Variants in NUP210 observed in about 807,000 individuals in gnomAD.
The protein encoded by NUP210 is nucleoporin 210.
In NUP210, 151 loss-of-function variants were observed where a neutral mutation model predicts 196.0. That is an observed-to-expected ratio of 0.77 (90% CI 0.67 to 0.88). The LOEUF (loss-of-function observed/expected upper bound fraction) is 0.88. Among genes scored for constraint, NUP210 ranks in the 40% least tolerant of loss-of-function variants. The probability of loss-of-function intolerance (pLI) is 0.00; values close to 1 mark genes in which losing one functional copy is unlikely to be tolerated. For synonymous variants in NUP210, 1,070 were observed against 1,052.7 expected (o/e 1.02, Z -0.32); for missense variants, 2,314 against 2,493.7 (o/e 0.93, Z 1.53).
intron 25 of NUP210, among the ~76,000 whole-genome samples, chr3:13,338,981 A>C (rs983055744): frequency 6.6e-6 from 1 of 151,684 alleles, no homozygotes; most frequent in Non-Finnish European, 1.5e-5. Flanking sequence ...CTGAGGCTGC[A>C]CTCCTTTTTA....
At position 13,358,415 on chromosome 3, in the gene NUP210, A is replaced by C; in HGVS notation, c.2155-20T>G. The C allele has an allele frequency of 1.9e-6, 3 of 1,592,352 alleles. No individual in the cohort carries two copies. Among genetic ancestry groups the C allele is most frequent in the Non-Finnish European group, 2.6e-6 (3 of 1,166,054 alleles). Reference sequence around the variant, plus strand: ...GATGACCTGGTAGGGCACAGTGAACAGTCAGACCCCCAAGCTTGAGTTCTC... The same window carrying C: ...GATGACCTGGTAGGGCACAGTGAACCGTCAGACCCCCAAGCTTGAGTTCTC... On this transcript the variant is annotated intron_variant, in intron 15 of 39. Coordinates refer to ENST00000254508, the MANE Select transcript of NUP210 (RefSeq NM_024923.4).
intron 29 of NUP210, 147 bp downstream of exon 29, chr3:13,332,146 G>A (rs1697020605): frequency 7.9e-6 from 5 of 635,838 alleles, no homozygotes; most frequent in Non-Finnish European, 1.2e-5. Flanking sequence ...AGAAGAGAAG[G>A]AGCAGGCAGA....
chr3:13,383,713 G>C (rs1699177009), intron 6 of NUP210, among the ~76,000 whole-genome samples: 1 of 151,788 alleles, frequency 6.6e-6, no homozygotes, highest in Admixed American at 6.6e-5. Flanking sequence ...ATTTTTAGTA[G>C]AGACAGGGTT....
chr3:13,342,954 A>G (rs965534910), intron 21 of NUP210, among the ~76,000 whole-genome samples: 6 of 152,232 alleles, frequency 3.9e-5, no homozygotes, highest in Non-Finnish European at 8.8e-5. Flanking sequence ...GCCAAGCCTC[A>G]TGGGTATGTC....
At chr3:13,367,158 C>T (rs559508283) in intron 13 of NUP210, among the ~76,000 whole-genome samples, 3 of 151,092 alleles carry the variant, frequency 2.0e-5, no homozygotes, top group African/African-American at 7.3e-5. Context: ...AATTCACGGC[C>T]GGGCATGGTG....
chr3:13,341,686 AAG>A (rs1697501549), intron 23 of NUP210, 60 bp downstream of exon 23: 1 of 1,591,702 alleles, frequency 6.3e-7, no homozygotes, highest in Non-Finnish European at 8.6e-7. Flanking sequence ...CTGTACTATA[AAG>A]ACACTCCCAA....
In NUP210 at chr3:13,316,586, C is replaced by G. The variant is rs1352360538; in HGVS notation, c.*1095G>C. On this transcript the variant is annotated 3_prime_UTR_variant, in exon 40 of 40. Transcript: ENST00000254508. The stretch of plus-strand genomic sequence containing the variant: ...GGACTTTTCCAAGGGTCTCCTCCCC[C>G]AGGCCCTGGGGAGTCCCTTCTGGAT... 1.3e-5 allele frequency: 2 copies of G among 152,274 alleles called. No individual in the cohort carries two copies. The highest frequency in any genetic ancestry group is 1.3e-4 in the Admixed American group (2 of 15,294). The allele number at this position is 152,274 out of a possible 1,614,324, so 9.4% of individuals were successfully genotyped here.
chr3:13,335,407 G>A (rs886704854), intron 28 of NUP210, 47 bp downstream of exon 28: 1 of 1,584,702 alleles, frequency 6.3e-7, no homozygotes, highest in African/African-American at 1.3e-5. Flanking sequence ...TTGGGCAGCT[G>A]GCACTTCCTC....
chr3:13,358,467 C>G (rs760944613), intron 15 of NUP210, 72 bp from the exon 16 acceptor site: 28 of 1,419,654 alleles, frequency 2.0e-5, no homozygotes, highest in East Asian at 2.5e-5. Flanking sequence ...TGCCACACCC[C>G]ACCCCAGCTC....
At chr3:13,397,510 G>T in intron 2 of NUP210, 22 bp from the exon 3 acceptor site, 1 of 1,573,540 alleles carries the variant, frequency 6.4e-7, no homozygotes, top group Non-Finnish European at 8.6e-7. Flanking sequence ...CCAGGAAGGG[G>T]TCAGCACCAA....
chr3:13,327,469 T>G (rs778761554), intron 31 of NUP210, 32 bp from the exon 32 acceptor site: 21 of 1,519,954 alleles, frequency 1.4e-5, no homozygotes, highest in Non-Finnish European at 1.8e-5. Flanking sequence ...GGGCTCTCAG[T>G]CTCGGGAAAG....
At chr3:13,403,054 T>G (rs1699891931) in intron 1 of NUP210, among the ~76,000 whole-genome samples, 1 of 152,196 alleles carries the variant, frequency 6.6e-6, no homozygotes, top group Non-Finnish European at 1.5e-5. Context: ...CTCTGCCTAT[T>G]CCTCCATTTT....
chr3:13,333,592 T>C (rs944008820), intron 28 of NUP210, among the ~76,000 whole-genome samples: 2 of 152,222 alleles, frequency 1.3e-5, no homozygotes, highest in Admixed American at 1.3e-4. Flanking sequence ...TTGAGAGTTG[T>C]GGGCTCCATA....
chr3:13,363,737 G>A (rs915261157), intron 14 of NUP210, among the ~76,000 whole-genome samples: 4 of 152,226 alleles, frequency 2.6e-5, no homozygotes, highest in African/African-American at 9.6e-5. Flanking sequence ...GATGAAAGGA[G>A]AAGAGATCCA....
At chr3:13,337,784 C>A in intron 26 of NUP210, 53 bp downstream of exon 26, 1 of 1,514,818 alleles carries the variant, frequency 6.6e-7, no homozygotes, top group South Asian at 1.2e-5. Context: ...AGGACAGGGT[C>A]CCAGCAGTGG....
chr3:13,414,904 GT>G (rs1700296355), intron 1 of NUP210, among the ~76,000 whole-genome samples: 1 of 152,216 alleles, frequency 6.6e-6, no homozygotes. Context: ...CTGCTTCACT[GT>G]CACATCCCAG....
intron 22 of NUP210, 55 bp from the exon 23 acceptor site, chr3:13,341,938 G>A (rs1481902092): frequency 3.1e-6 from 5 of 1,613,416 alleles, no homozygotes; most frequent in Non-Finnish European, 3.4e-6. Context: ...GGGAAAGGCT[G>A]CAGCTGGGGT....
chr3:13,321,723 G>A lies in NUP210; in HGVS notation c.5028C>T (p.Phe1676=). ...VVSASLSSSH[F]STEQVGAEVP... ...CCTCGGCCCCCACCTGCTCTGTGGA[G>A]AAGTGGCTGCTGGAGAGGGAGGCAC... Residue 1676 remains phenylalanine, a synonymous_variant, in exon 36 of 40, where the codon TTC becomes TTT. Transcript: ENST00000254508. The A allele has an allele frequency of 1.2e-6, 2 of 1,614,146 alleles. No individual in the cohort carries two copies. Among genetic ancestry groups the A allele is most frequent in the Non-Finnish European group, 1.7e-6 (2 of 1,180,036 alleles).
At chr3:13,341,536 C>T (rs1324679133) in intron 23 of NUP210, among the ~76,000 whole-genome samples, 1 of 152,242 alleles carries the variant, frequency 6.6e-6, no homozygotes, top group Non-Finnish European at 1.5e-5. Flanking sequence ...AAGGTCAAGT[C>T]ACTTGGCCCC....
Sources: gnomAD v4.1 joint callset for allele counts (sites outside exome capture counted in the v4.1 genomes callset) on GRCh38, gnomAD v4.1.1 for gene constraint, MANE v1.5 for transcripts, NCBI Gene and HGNC (gene_info 2026-07-23, HGNC 2026-07-21) for gene names.